AFAP1L2: variants seen among roughly 807,000 people sequenced by gnomAD.
The protein encoded by AFAP1L2 is actin filament-associated protein 1-like 2.
Under a neutral mutation model 99.3 loss-of-function variants are expected in AFAP1L2, and 46 were observed. The ratio of observed to expected loss-of-function variants is 0.46; its 90% CI spans 0.37 to 0.59. AFAP1L2 has a LOEUF of 0.59. Ranked by LOEUF, AFAP1L2 falls within the 20% of genes least tolerant of loss-of-function variation. The pLI, the probability that AFAP1L2 is intolerant of heterozygous loss-of-function variation, is 0.00. For missense variants in AFAP1L2, 959 were observed against 1,034.9 expected, an observed-to-expected ratio of 0.93 and a Z score of 1.01; for synonymous variants, 397 against 419.1, an observed-to-expected ratio of 0.95 and a Z score of 0.64.
In AFAP1L2 at chr10:114,404,473, C is replaced by T. The variant is rs1184964427; in HGVS notation, c.-18G>A. 6.5e-7 allele frequency: 1 copy of T among 1,536,592 alleles called. No homozygotes were observed. Among genetic ancestry groups the T allele is most frequent in the South Asian group, 1.2e-5 (1 of 83,710 alleles). The stretch of plus-strand genomic sequence containing the variant: ...CGCTCCATCGGGGCCACGGAGTGCG[C>T]TCCTCGCGGCTCGGCTTCTGCGCTG... On this transcript the variant is annotated 5_prime_UTR_variant, in exon 1 of 19. Coordinates refer to ENST00000304129, the MANE Select transcript of AFAP1L2 (RefSeq NM_001001936.3).
At chr10:114,289,776 AAGC>A in the AFAP1L2 span, 31 of 461,486 alleles carry the variant, frequency 6.7e-5, no homozygotes, top group South Asian at 1.6e-4. Flanking sequence ...GAATATCCAC[AAGC>A]TTCCTAAGGG....
intron 1 of AFAP1L2, among the ~76,000 whole-genome samples, chr10:114,356,437 T>G (rs2051400554): frequency 6.6e-6 from 1 of 152,248 alleles, no homozygotes; most frequent in Non-Finnish European, 1.5e-5. Flanking sequence ...TTTAAAATAT[T>G]GATGACATGT....
At chr10:114,310,052 C>G (rs1025113681) in intron 8 of AFAP1L2, among the ~76,000 whole-genome samples, 1 of 152,054 alleles carries the variant, frequency 6.6e-6, no homozygotes, top group Non-Finnish European at 1.5e-5. Context: ...CTCAGGCTCC[C>G]GAGTAGCTGG....
At chr10:114,283,775 C>A in the AFAP1L2 span, among the ~76,000 whole-genome samples, 2 of 152,252 alleles carry the variant, frequency 1.3e-5, no homozygotes, top group African/African-American at 4.8e-5. Flanking sequence ...CCACTGTCGT[C>A]GATCTCAGTG....
chr10:114,342,955 A>G (rs1036454701), intron 1 of AFAP1L2, among the ~76,000 whole-genome samples: 9 of 152,240 alleles, frequency 5.9e-5, no homozygotes, highest in Admixed American at 3.9e-4. Flanking sequence ...AATATCCAAT[A>G]AATATTTGTT....
chr10:114,317,305 T>C (rs563385319), intron 5 of AFAP1L2, among the ~76,000 whole-genome samples: 1 of 152,354 alleles, frequency 6.6e-6, no homozygotes, highest in Admixed American at 6.5e-5. Context: ...AGTATCAATT[T>C]TCTTTAAAAG....
At chr10:114,291,371 G>A (rs567135790), downstream of AFAP1L2, 45 of 1,103,940 alleles carry the variant, frequency 4.1e-5, no homozygotes, top group African/African-American at 2.4e-4. Flanking sequence ...GCTTCCCGCC[G>A]TGGCCAGGAC....
At chr10:114,378,757 T>G (rs1435769944) in intron 1 of AFAP1L2, among the ~76,000 whole-genome samples, 1 of 152,138 alleles carries the variant, frequency 6.6e-6, no homozygotes, top group African/African-American at 2.4e-5. Context: ...GTCCAAGAAG[T>G]TTCCAGAGAG....
intron 1 of AFAP1L2, among the ~76,000 whole-genome samples, chr10:114,372,156 T>A (rs610315): frequency 0.17 from 25,705 of 152,172 alleles, 2,747 homozygotes; most frequent in Non-Finnish European, 0.24. Context: ...ATGCTCTAAA[T>A]CGTTTTGTGG....
intron 18 of AFAP1L2, 169 bp from the exon 19 acceptor site, chr10:114,296,237 C>CAGAG: frequency 1.1e-6 from 1 of 890,234 alleles, no homozygotes; most frequent in African/African-American, 1.7e-5. Context: ...AGTGCCTATT[C>CAGAG]AGAGATTTTG....
At chr10:114,385,028 C>T (rs2056314657) in intron 1 of AFAP1L2, among the ~76,000 whole-genome samples, 1 of 152,212 alleles carries the variant, frequency 6.6e-6, no homozygotes, top group South Asian at 2.1e-4. Flanking sequence ...CTGACTGAGC[C>T]CCATATGAAG....
chr10:114,399,644 G>A (rs1589532182), intron 1 of AFAP1L2, among the ~76,000 whole-genome samples: 1 of 152,108 alleles, frequency 6.6e-6, no homozygotes, highest in African/African-American at 2.4e-5. Context: ...CTCTGGGCTC[G>A]ATGAACAATC....
At chr10:114,349,383 C>CAAAA (rs113553514) in intron 1 of AFAP1L2, among the ~76,000 whole-genome samples, 10 of 86,220 alleles carry the variant, frequency 1.2e-4, no homozygotes, top group African/African-American at 1.4e-4. Flanking sequence ...AACTCGGTCT[C>CAAAA]AAAAAAAAAA....
chr10:114,361,555 C>G (rs1225028281), intron 1 of AFAP1L2, among the ~76,000 whole-genome samples: 2 of 152,192 alleles, frequency 1.3e-5, no homozygotes, highest in African/African-American at 4.8e-5. Context: ...CCATCAGACA[C>G]AGGAAACCTG....
At chr10:114,301,588 G>C in intron 12 of AFAP1L2, 123 bp from the exon 13 acceptor site, 1 of 689,876 alleles carries the variant, frequency 1.4e-6, no homozygotes, top group African/African-American at 1.7e-5. Context: ...AGAGATCTGG[G>C]GGCTGACACT....
intron 1 of AFAP1L2, among the ~76,000 whole-genome samples, chr10:114,385,565 AC>A: frequency 6.6e-6 from 1 of 152,162 alleles, no homozygotes; most frequent in African/African-American, 2.4e-5. Context: ...TGCTGGGGTT[AC>A]CCCTGGCCTC....
rs566247194 is a variant in AFAP1L2 at position 114,315,051 on chromosome 10, G to A, written c.612+509C>T. On this transcript the variant is annotated intron_variant, in intron 6 of 18. Transcript: ENST00000304129. ...AGCTACTCAGGAGGCTGAGGCAGGA[G>A]AATCACTTGAACCCAGGAGGTGGAG... 4.6e-5 allele frequency among the ~76,000 whole-genome samples: 7 copies of A among 152,348 alleles called. No homozygotes were observed. The South Asian group carries it at 1.2e-3, about 27-fold the overall frequency.
chr10:114,305,989 C>CTGCAGGAGGGGACGCAGA (rs773501500), intron 10 of AFAP1L2, among the ~76,000 whole-genome samples: 1 of 55,508 alleles, frequency 1.8e-5, no homozygotes, highest in Non-Finnish European at 3.1e-5. Flanking sequence ...GGGGTCGGGG[C>CTGCAGGAGGGGACGCAGA]TGCAGGAGGG....
chr10:114,299,232 G>A (rs1340082173), intron 16 of AFAP1L2, 28 bp downstream of exon 16: 4 of 1,613,004 alleles, frequency 2.5e-6, no homozygotes, highest in Non-Finnish European at 3.4e-6. Context: ...CTGAGCTGAG[G>A]GTCCCTCCCC....
Sources: gnomAD v4.1 joint callset for allele counts (sites outside exome capture counted in the v4.1 genomes callset) on GRCh38, gnomAD v4.1.1 for gene constraint, MANE v1.5 for transcripts, NCBI Gene and HGNC (gene_info 2026-07-23, HGNC 2026-07-21) for gene names.